The following LRIF1 variants were observed in gnomAD, a reference collection of about 807,000 sequenced individuals.
The protein encoded by LRIF1 is ligand-dependent nuclear receptor-interacting factor 1.
A neutral mutation model predicts 52.7 loss-of-function variants in LRIF1; 32 were observed. The ratio of observed to expected loss-of-function variants is 0.61; its 90% confidence interval spans 0.46 to 0.82. The LOEUF (loss-of-function observed/expected upper bound fraction) is 0.82. Among genes scored for constraint, LRIF1 ranks in the 40% least tolerant of loss-of-function variants. The pLI, the probability that LRIF1 is intolerant of heterozygous loss-of-function variation, is 0.00. For synonymous variants in LRIF1, 323 were observed against 317.4 expected (o/e 1.02, Z -0.19); for missense variants, 887 against 892.0 (o/e 0.99, Z 0.07).
the LRIF1 span, among the ~76,000 whole-genome samples, chr1:110,926,963 A>C: frequency 6.6e-6 from 1 of 152,198 alleles, no homozygotes; most frequent in South Asian, 2.1e-4. Flanking sequence ...ATATATGGAC[A>C]CTTGCCATAT....
At chr1:110,899,487 C>T in the LRIF1 span, 5 of 291,114 alleles carry the variant, frequency 1.7e-5, no homozygotes, top group African/African-American at 8.9e-5. Context: ...ATTTAATGGC[C>T]CAACATCAAA....
chr1:110,885,293 G>C, the LRIF1 span, among the ~76,000 whole-genome samples: 1 of 152,238 alleles, frequency 6.6e-6, no homozygotes, highest in African/African-American at 2.4e-5. Flanking sequence ...GCTCACGCCT[G>C]TAATCCCAGC....
the LRIF1 span, among the ~76,000 whole-genome samples, chr1:110,896,400 G>A: frequency 1.6e-4 from 24 of 152,050 alleles, no homozygotes; most frequent in Admixed American, 1.3e-4. Flanking sequence ...GCAGTCCCTG[G>A]GTGCCTTATT....
At chr1:110,956,935 TCA>T (rs1192887160) in intron 1 of LRIF1, among the ~76,000 whole-genome samples, 2 of 152,170 alleles carry the variant, frequency 1.3e-5, no homozygotes, top group African/African-American at 2.4e-5. Context: ...AAATATGTTC[TCA>T]CAGTTAAATT....
At chr1:110,902,517 A>AAAAAAAAAAAAAAAAG in the LRIF1 span, among the ~76,000 whole-genome samples, 22 of 104,708 alleles carry the variant, frequency 2.1e-4, no homozygotes, top group South Asian at 6.8e-4. Context: ...AAAAAAAAAA[A>AAAAAAAAAAAAAAAAG]AAAGAAATAC....
At chr1:110,957,427 C>T (rs1320453415) in intron 1 of LRIF1, among the ~76,000 whole-genome samples, 4 of 132,874 alleles carry the variant, frequency 3.0e-5, no homozygotes, top group South Asian at 2.4e-4. Context: ...GCTGAGATCG[C>T]GCCACTGCAC....
At chr1:110,913,552 C>T in the LRIF1 span, among the ~76,000 whole-genome samples, 1 of 152,112 alleles carries the variant, frequency 6.6e-6, no homozygotes, top group Non-Finnish European at 1.5e-5. Context: ...GAAAAATGCT[C>T]AACATCACTT....
intron 1 of LRIF1, among the ~76,000 whole-genome samples, chr1:110,961,615 G>A (rs1003307181): frequency 6.6e-6 from 1 of 151,998 alleles, no homozygotes; most frequent in Non-Finnish European, 1.5e-5. Flanking sequence ...TTATGCTACT[G>A]AAAAATTTTA....
the LRIF1 span, among the ~76,000 whole-genome samples, chr1:110,887,505 T>C: frequency 4.4e-4 from 67 of 152,384 alleles, 1 homozygote; most frequent in South Asian, 8.1e-3. Context: ...TGTGTAAATT[T>C]TACTTTGTTG....
At chr1:110,954,453 G>C (rs1390128461) in intron 1 of LRIF1, among the ~76,000 whole-genome samples, 1 of 152,064 alleles carries the variant, frequency 6.6e-6, no homozygotes, top group Admixed American at 6.5e-5. Flanking sequence ...GCTAATTTTT[G>C]TATTTTTTAT....
At chr1:110,932,610 C>A in the LRIF1 span, among the ~76,000 whole-genome samples, 1 of 152,096 alleles carries the variant, frequency 6.6e-6, no homozygotes, top group Non-Finnish European at 1.5e-5. Flanking sequence ...TCTTCCTATC[C>A]ATGAGCATGT....
At chr1:110,908,817 G>A in the LRIF1 span, among the ~76,000 whole-genome samples, 2 of 152,178 alleles carry the variant, frequency 1.3e-5, no homozygotes, top group African/African-American at 4.8e-5. Flanking sequence ...ACATATTTAA[G>A]GATATTGTCC....
the LRIF1 span, among the ~76,000 whole-genome samples, chr1:110,875,110 A>G: frequency 1.3e-4 from 20 of 152,288 alleles, no homozygotes; most frequent in South Asian, 1.7e-3. Flanking sequence ...TGGTGGGTTC[A>G]CTTTCACAGA....
At chr1:110,961,778 T>G (rs1468130503) in intron 1 of LRIF1, among the ~76,000 whole-genome samples, 1 of 152,074 alleles carries the variant, frequency 6.6e-6, no homozygotes, top group East Asian at 1.9e-4. Context: ...GTTAATATTA[T>G]TTACAAAATT....
At chr1:110,938,033 A>C in the LRIF1 span, 1 of 152,116 alleles carries the variant, frequency 6.6e-6, no homozygotes, top group East Asian at 1.9e-4. Flanking sequence ...ATCTGAAAAG[A>C]CCAATAAAAA....
intron 1 of LRIF1, among the ~76,000 whole-genome samples, chr1:110,955,729 T>C (rs997045648): frequency 5.3e-5 from 8 of 152,144 alleles, no homozygotes; most frequent in East Asian, 1.9e-4. Flanking sequence ...ACTTTGACTG[T>C]CAAGGGGAAG....
chr1:110,960,142 A>T (rs151085859), intron 1 of LRIF1, among the ~76,000 whole-genome samples: 3 of 152,318 alleles, frequency 2.0e-5, no homozygotes, highest in Non-Finnish European at 4.4e-5. Context: ...TACTTGAGAA[A>T]ATGGAGATTT....
chr1:110,892,606 G>T, the LRIF1 span: 2 of 1,232,238 alleles, frequency 1.6e-6, no homozygotes, highest in Admixed American at 3.8e-5. Flanking sequence ...GATGTTTCTT[G>T]GTAGATCACT....
At chr1:110,906,686 C>A in the LRIF1 span, among the ~76,000 whole-genome samples, 25 of 152,076 alleles carry the variant, frequency 1.6e-4, no homozygotes, top group Non-Finnish European at 3.4e-4. Flanking sequence ...AGATGTATAC[C>A]CACAGGAAAC....
Sources: gnomAD v4.1 joint callset for allele counts (sites outside exome capture counted in the v4.1 genomes callset) on GRCh38, gnomAD v4.1.1 for gene constraint, MANE v1.5 for transcripts, NCBI Gene and HGNC (gene_info 2026-07-23, HGNC 2026-07-21) for gene names.